Variants in ADCYAP1R1 observed in about 807,000 individuals in gnomAD.
ADCYAP1R1 encodes pituitary adenylate cyclase-activating polypeptide type I receptor.
Under a neutral mutation model 67.6 loss-of-function variants are expected in ADCYAP1R1, and 44 were observed. The observed-to-expected ratio is 0.65, with a 90% CI of 0.51 to 0.84. The LOEUF is 0.84. Among genes scored for constraint, ADCYAP1R1 ranks in the 40% least tolerant of loss-of-function variants. ADCYAP1R1 has a pLI of 0.00. For synonymous variants in ADCYAP1R1, 222 were observed against 219.6 expected, an observed-to-expected ratio of 1.01 and a Z score of -0.10; for missense variants, 477 against 587.9, an observed-to-expected ratio of 0.81 and a Z score of 1.95.
intron 12 of ADCYAP1R1, among the ~76,000 whole-genome samples, chr7:31,090,219 T>C (rs796492829): frequency 6.6e-6 from 1 of 152,188 alleles, no homozygotes; most frequent in Non-Finnish European, 1.5e-5. Context: ...TCTTCTTACG[T>C]TGATTTTGTT....
Position 31,084,119 on chromosome 7 carries a change from C to A in ADCYAP1R1, c.329-22C>A, listed in dbSNP as rs1490673549. 4.4e-6 allele frequency: 7 copies of A among 1,607,916 alleles called. No individual in the cohort carries two copies. In the Admixed American group the frequency reaches 1.2e-4, roughly 27 times the overall value. On this transcript the variant is annotated intron_variant, in intron 6 of 15. Coordinates refer to ENST00000304166, the MANE Select transcript of ADCYAP1R1 (RefSeq NM_001118.5). Reference sequence around the variant, plus strand: ...CCCTCTTAATCATTTCTGGGCCTCGCTGAGTTTTCTTTTTGCTGCAGACAT... The same window carrying A: ...CCCTCTTAATCATTTCTGGGCCTCGATGAGTTTTCTTTTTGCTGCAGACAT...
At chr7:31,084,919 A>G in intron 8 of ADCYAP1R1, 85 bp downstream of exon 8, 3 of 1,270,824 alleles carry the variant, frequency 2.4e-6, no homozygotes, top group African/African-American at 1.5e-5. Flanking sequence ...TCCCCCCTTG[A>G]TGTCAGCCCT....
Position 31,084,836 on chromosome 7 carries a change from T to C in ADCYAP1R1, c.536+2T>C, listed in dbSNP as rs1199872352. ...CATGGTCATCCTTTGTCGCTTCCGGTGAGACCCTCAGCAACATTCAAGCAA... is the reference window on the plus strand; with the variant it reads ...CATGGTCATCCTTTGTCGCTTCCGGCGAGACCCTCAGCAACATTCAAGCAA... On this transcript the variant is annotated splice_donor_variant, in intron 8 of 15. Transcript: ENST00000304166. LOFTEE classifies it high-confidence loss of function. 6.2e-7 allele frequency: 1 copy of C among 1,613,770 alleles called. No individual in the cohort carries two copies. The highest frequency in any genetic ancestry group is 1.1e-5 in the South Asian group (1 of 91,074).
rs73688761 is a variant in ADCYAP1R1, at chr7:31,078,269, C to T, written c.265+171C>T. 4.6e-3 allele frequency among the ~76,000 whole-genome samples: 703 copies of T among 152,102 alleles called. 6 individuals are homozygous for T. The highest frequency in any genetic ancestry group is 0.017 in the African/African-American group (685 of 41,480). ...ACAGACACTTGCACACACGGGGACA[C>T]AGGTACACATGGGAACCATCGTTGT... On this transcript the variant is annotated intron_variant, in intron 4 of 15. Transcript: ENST00000304166.
At chr7:31,077,895 G>A in intron 3 of ADCYAP1R1, 96 bp from the exon 4 acceptor site, 2 of 714,810 alleles carry the variant, frequency 2.8e-6, no homozygotes, top group Non-Finnish European at 4.7e-6. Context: ...TCTGTGGTGT[G>A]TGTGGTGTGT....
At chr7:31,073,574 G>C (rs1428629037) in intron 3 of ADCYAP1R1, among the ~76,000 whole-genome samples, 1 of 152,194 alleles carries the variant, frequency 6.6e-6, no homozygotes, top group Non-Finnish European at 1.5e-5. Context: ...ATCCTCCCAA[G>C]CTCCAGGGAA....
intron 12 of ADCYAP1R1, among the ~76,000 whole-genome samples, chr7:31,090,019 T>C (rs1301834228): frequency 6.6e-6 from 1 of 152,214 alleles, no homozygotes; most frequent in East Asian, 1.9e-4. Flanking sequence ...GTTAGCCTCA[T>C]AGGTAATCCT....
chr7:31,069,749 T>C (rs1794896309), intron 3 of ADCYAP1R1, among the ~76,000 whole-genome samples: 3 of 152,110 alleles, frequency 2.0e-5, no homozygotes. Flanking sequence ...AGGAGACAGA[T>C]GCACTGAGGG....
At chr7:31,082,940 T>C (rs1004201899) in intron 6 of ADCYAP1R1, among the ~76,000 whole-genome samples, 1 of 152,248 alleles carries the variant, frequency 6.6e-6, no homozygotes, top group African/African-American at 2.4e-5. Context: ...GGACACAGAT[T>C]GGAAAAGTGG....
Position 31,084,913 on chromosome 7 carries a change from C to G in ADCYAP1R1, c.536+79C>G, listed in dbSNP as rs528949096. 5.1e-5 allele frequency: 66 copies of G among 1,302,056 alleles called. 2 individuals carry two copies. In the Middle Eastern group the frequency reaches 7.3e-4, roughly 14 times the overall value. The allele number at this position is 1,302,056 out of a possible 1,614,324, so 80.7% of individuals were successfully genotyped here. On this transcript the variant is annotated intron_variant, in intron 8 of 15. Transcript: ENST00000304166. ...GGCCTTGGTGCATCTCTCCCCTCCC[C>G]CCTTGATGTCAGCCCTAGAAGACCC...
Position 31,086,277 on chromosome 7 carries a change from T to G in ADCYAP1R1, c.670-107T>G. The G allele has an allele frequency of 8.8e-7, 1 of 1,130,142 alleles. No individual in the cohort carries two copies. Among genetic ancestry groups the G allele is most frequent in the Non-Finnish European group, 1.3e-6 (1 of 796,832 alleles). 70.0% of individuals were successfully genotyped at this position (1,130,142 alleles called of 1,614,324 possible). On this transcript the variant is annotated intron_variant, in intron 9 of 15. Transcript: ENST00000304166. The surrounding 1 kb of genome is among the most constrained non-coding windows in gnomAD (Gnocchi z 5.0). ...CAGGAATATTGACTCTCTTAGATCC[T>G]TGGGATGTTTGAACCTGAGCATGCC...
chr7:31,064,968 C>T (rs1794674326), intron 3 of ADCYAP1R1, 32 bp downstream of exon 3: 3 of 1,517,760 alleles, frequency 2.0e-6, no homozygotes, highest in Middle Eastern at 1.8e-4. Context: ...ATGCCACGTC[C>T]CCAGTGCCAG....
intron 3 of ADCYAP1R1, among the ~76,000 whole-genome samples, chr7:31,073,537 C>G (rs919056090): frequency 6.6e-6 from 1 of 152,114 alleles, no homozygotes; most frequent in Admixed American, 6.5e-5. Flanking sequence ...TAGAAAAACC[C>G]AAGGCTGTCT....
At chr7:31,084,118 G>A (rs201642918) in intron 6 of ADCYAP1R1, 23 bp from the exon 7 acceptor site, 100 of 1,605,318 alleles carry the variant, frequency 6.2e-5, no homozygotes, top group Non-Finnish European at 7.8e-5. Flanking sequence ...TCTGGGCCTC[G>A]CTGAGTTTTC....
Position 31,077,480 on chromosome 7 carries a change from AGTGT to A in ADCYAP1R1, c.158-500_158-497del, listed in dbSNP as rs3076572. On this transcript the variant is annotated intron_variant, in intron 3 of 15. Coordinates refer to ENST00000304166, the MANE Select transcript of ADCYAP1R1 (RefSeq NM_001118.5). ...TGTGGTGCATGTGTGTGGTGTGTGT[AGTGT>A]GTGTGTGTGTAGTGTATGTGGTATA... is the stretch of plus-strand genomic sequence containing the variant. Among the ~76,000 whole-genome samples the A allele has an allele frequency of 4.0e-4, 55 of 136,738 alleles. No individual in the cohort carries two copies. The East Asian group carries it at 7.4e-3, about 18-fold the overall frequency. 89.7% of individuals were successfully genotyped at this position (136,738 alleles called of 152,430 possible).
intron 3 of ADCYAP1R1, among the ~76,000 whole-genome samples, chr7:31,073,460 C>T (rs187626081): frequency 6.0e-4 from 92 of 152,246 alleles, no homozygotes; most frequent in South Asian, 5.4e-3. Context: ...GAGTGTGGAA[C>T]ATATGGGTCT....
chr7:31,087,784 A>G (rs55856551), intron 12 of ADCYAP1R1, 88 bp downstream of exon 12: 47,611 of 1,028,782 alleles, frequency 0.046, 1,600 homozygotes, highest in East Asian at 0.14. Context: ...GAGTCCCCAC[A>G]CAACCTGACT....
chr7:31,109,852 C>T lies in ADCYAP1R1; in HGVS notation c.*3168C>T, dbSNP rs920007386. ...TCAGTGGCTCTGTGGTAGTTCCTAG[C>T]ACTGCAGACTTCATGACTCCCCACT... On this transcript the variant is annotated 3_prime_UTR_variant, in exon 16 of 16. Transcript: ENST00000304166. 3.9e-5 allele frequency: 6 copies of T among 152,298 alleles called. 1 individual carries two copies. The highest frequency in any genetic ancestry group is 3.3e-4 in the Admixed American group (5 of 15,274). 9.4% of individuals were successfully genotyped at this position (152,298 alleles called of 1,614,324 possible). A position where few individuals can be genotyped will look rare whatever the true frequency, so the allele number is the denominator to read the frequency against.
chr7:31,091,678 C>A, intron 12 of ADCYAP1R1, among the ~76,000 whole-genome samples: 1 of 152,124 alleles, frequency 6.6e-6, no homozygotes, highest in East Asian at 1.9e-4. Flanking sequence ...GAGTCCTTTC[C>A]CCGTTGCTTA....
Sources: gnomAD v4.1 joint callset for allele counts (sites outside exome capture counted in the v4.1 genomes callset) on GRCh38, gnomAD v4.1.1 for gene constraint, Gnocchi (gnomAD v3.1) non-coding constraint, MANE v1.5 for transcripts, NCBI Gene and HGNC (gene_info 2026-07-23, HGNC 2026-07-21) for gene names.